Variants in ENO4 observed in about 807,000 individuals in gnomAD.
ENO4 encodes the protein enolase 4.
A neutral mutation model predicts 63.2 loss-of-function variants in ENO4; 53 were observed. The ratio of observed to expected loss-of-function variants is 0.84; its 90% CI spans 0.67 to 1.05. ENO4 has a LOEUF of 1.05. Among genes scored for constraint, ENO4 ranks in the 50% least tolerant of loss-of-function variants. ENO4 has a pLI of 0.00. For synonymous variants in ENO4, 266 were observed against 283.8 expected, an observed-to-expected ratio of 0.94 and a Z score of 0.63; for missense variants, 719 against 772.0, an observed-to-expected ratio of 0.93 and a Z score of 0.81.
In ENO4 at chr10:116,871,285, T is replaced by A. The variant is rs1264272762; in HGVS notation, c.1208T>A (p.Met403Lys). ...LAINCAGHEL[M>K]DYNKGKYEVI... ...ATCAACTGTGCTGGACATGAGCTGATGGACTACGTAAGTTTCCACTTCAGA... is the reference window on the plus strand; with the variant it reads ...ATCAACTGTGCTGGACATGAGCTGAAGGACTACGTAAGTTTCCACTTCAGA... The change falls in exon 9 of 14, where the codon ATG (methionine) becomes AAG (lysine). Residue 403 changes from methionine (M) to lysine (K), a missense_variant. Around this residue, in one of 3 missense-constraint regions of ENO4, gnomAD observed 544 missense variants for 583.6 expected, o/e 0.93. Transcript: ENST00000341276. 17 of 1,550,104 alleles carry A rather than the reference T, an allele frequency of 1.1e-5. No homozygotes were observed. The highest frequency in any genetic ancestry group is 1.5e-5 in the Non-Finnish European group (17 of 1,146,812).
intron 10 of ENO4, among the ~76,000 whole-genome samples, chr10:116,908,536 C>T (rs1019110902): frequency 6.6e-6 from 1 of 152,156 alleles, no homozygotes; most frequent in Non-Finnish European, 1.5e-5. Flanking sequence ...AACTTACCAT[C>T]TCTATCATTT....
chr10:116,886,483 G>C (rs780585711), downstream of ENO4: 10 of 1,614,108 alleles, frequency 6.2e-6, no homozygotes, highest in South Asian at 7.7e-5. Flanking sequence ...TTCATGTGTA[G>C]AAACAGGATC....
chr10:116,906,659 C>T (rs548829750), intron 10 of ENO4: 24 of 1,613,270 alleles, frequency 1.5e-5, no homozygotes, highest in African/African-American at 9.3e-5. Flanking sequence ...CACCTTTCTG[C>T]GACGCAAAAT....
rs780261992 is a variant in ENO4 at position 116,906,701 on chromosome 10, T to C, written c.1195-4798T>C. 3.2e-5 allele frequency: 52 copies of C among 1,613,354 alleles called. 1 individual carries two copies. In the South Asian group the frequency reaches 5.7e-4, roughly 18 times the overall value. ...TAACTCAGTTTCACTGTTTTCAGGG[T>C]CAAGGGATTTTAAGCTTCTTGAACT... On this transcript the variant is annotated intron_variant, in intron 10 of 10. Transcript: ENST00000369207.
intron 10 of ENO4, among the ~76,000 whole-genome samples, chr10:116,898,966 A>G (rs1414021688): frequency 6.6e-6 from 1 of 152,212 alleles, no homozygotes; most frequent in Non-Finnish European, 1.5e-5. Context: ...GAATTTATTG[A>G]AAGAAAAAAA....
chr10:116,906,727 A>G (rs770851197), intron 10 of ENO4: 1 of 1,612,774 alleles, frequency 6.2e-7, no homozygotes, highest in South Asian at 1.1e-5. Flanking sequence ...TTCTTGAACT[A>G]GTGGATTTGT....
At chr10:116,899,546 TGAGAGA>T (rs59129110) in intron 10 of ENO4, among the ~76,000 whole-genome samples, 99 of 123,896 alleles carry the variant, frequency 8.0e-4, no homozygotes, top group Admixed American at 1.7e-3. Flanking sequence ...TGTGTGTGTG[TGAGAGA>T]GTGCATGCAT....
intron 10 of ENO4, chr10:116,901,600 G>C (rs578071878): frequency 1.0e-6 from 1 of 985,286 alleles, no homozygotes; most frequent in East Asian, 1.1e-4. Flanking sequence ...AGATCTCTTA[G>C]CTAGGAGCCT....
In ENO4 at chr10:116,862,863, A is replaced by G. The variant is rs1846452053; in HGVS notation, c.990+11A>G. The stretch of plus-strand genomic sequence containing the variant: ...AAAATAATTGAAATGGTATGTAAAG[A>G]GATTCTATGTTATCTAGTTACTGAC... On this transcript the variant is annotated intron_variant, in intron 7 of 13. Transcript: ENST00000341276. The G allele has an allele frequency of 6.6e-7, 1 of 1,525,710 alleles. No homozygotes were observed. The highest frequency in any genetic ancestry group is 8.9e-7 in the Non-Finnish European group (1 of 1,124,728). 94.5% of individuals were successfully genotyped at this position (1,525,710 alleles called of 1,614,324 possible). A position where few individuals can be genotyped will look rare whatever the true frequency, so the allele number is the denominator to read the frequency against.
At chr10:116,911,362 G>A in intron 10 of ENO4, 1 of 1,163,146 alleles carries the variant, frequency 8.6e-7, no homozygotes, top group East Asian at 2.6e-5. Flanking sequence ...GGCAGACTGT[G>A]ACCCTGATAT....
Position 116,849,751 on chromosome 10 carries a change from G to A in ENO4, c.165+20G>A, listed in dbSNP as rs775298055. 1 of 1,488,072 alleles carries A rather than the reference G, an allele frequency of 6.7e-7. No homozygotes were observed. The highest frequency in any genetic ancestry group is 1.3e-5 in the South Asian group (1 of 74,568). 92.2% of individuals were successfully genotyped at this position (1,488,072 alleles called of 1,614,324 possible). On this transcript the variant is annotated intron_variant, in intron 1 of 13. Transcript: ENST00000341276. Reference sequence around the variant, plus strand: ...CACCTGGTAGGGACCTGGGACAAGCGCTCTCCTCCCGCCAACCCCTCTCCC... The same window carrying A: ...CACCTGGTAGGGACCTGGGACAAGCACTCTCCTCCCGCCAACCCCTCTCCC...
intron 10 of ENO4, among the ~76,000 whole-genome samples, chr10:116,907,253 T>C (rs1252518417): frequency 6.6e-6 from 1 of 152,150 alleles, no homozygotes; most frequent in Non-Finnish European, 1.5e-5. Flanking sequence ...AGGAGGCACA[T>C]AATGCTCTCC....
intron 10 of ENO4, among the ~76,000 whole-genome samples, chr10:116,891,650 C>A (rs1160911420): frequency 6.6e-6 from 1 of 152,066 alleles, no homozygotes; most frequent in Non-Finnish European, 1.5e-5. Context: ...CTGCAGTGAA[C>A]AGTAGTGGCA....
At chr10:116,860,668 T>A (rs1846385479) in intron 4 of ENO4, 126 bp from the exon 5 acceptor site, 1 of 653,840 alleles carries the variant, frequency 1.5e-6, no homozygotes, top group Non-Finnish European at 2.2e-6. Flanking sequence ...GAAAACTTTT[T>A]GGGGGTTGAG....
At chr10:116,905,327 G>A (rs1044343915) in intron 10 of ENO4, among the ~76,000 whole-genome samples, 1 of 152,126 alleles carries the variant, frequency 6.6e-6, no homozygotes, top group Non-Finnish European at 1.5e-5. Flanking sequence ...TATGTTACGG[G>A]GAGGCTGCAT....
intron 8 of ENO4, 73 bp downstream of exon 8, chr10:116,868,779 A>G: frequency 3.7e-6 from 5 of 1,361,812 alleles, no homozygotes; most frequent in Non-Finnish European, 5.1e-6. Flanking sequence ...TTTATCTTCC[A>G]TAGTCACTTT....
chr10:116,861,090 T>C lies in ENO4; in HGVS notation c.836T>C (p.Leu279Pro). 5 of 1,549,274 alleles carry C rather than the reference T, an allele frequency of 3.2e-6. No individual in the cohort carries two copies. Among genetic ancestry groups the C allele is most frequent in the Non-Finnish European group, 4.4e-6 (5 of 1,146,502 alleles). Residue 279 changes from leucine (L) to proline (P), a missense_variant, in exon 6 of 14, where the codon CTG (leucine) becomes CCG (proline). Physicochemically the swap from Leu to Pro is moderately conservative, Grantham distance 98. Around this residue, in one of 3 missense-constraint regions of ENO4, gnomAD observed 544 missense variants for 583.6 expected, o/e 0.93. Coordinates refer to ENST00000341276, the MANE Select transcript of ENO4 (RefSeq NM_001242699.2). ...CCAACAACGCTATCTATGCCTTTGC[T>C]GATGGTATCGCTGGTCAGCTGTGGG... ...EQPTTLSMPL[L>P]MVSLVSCGKS... is the part of the protein sequence containing the mutation.
intron 10 of ENO4, among the ~76,000 whole-genome samples, chr10:116,893,554 C>A (rs1315025050): frequency 4.4e-4 from 7 of 15,874 alleles, no homozygotes; most frequent in Non-Finnish European, 7.7e-4. Flanking sequence ...CTTCCCTCCC[C>A]CTCCCTGATA....
chr10:116,861,194 C>T lies in ENO4; in HGVS notation c.936+4C>T. The T allele has an allele frequency of 7.7e-7, 1 of 1,300,334 alleles. No homozygotes were observed. The highest frequency in any genetic ancestry group is 1.0e-6 in the Non-Finnish European group (1 of 1,004,920). The allele number at this position is 1,300,334 out of a possible 1,614,324, so 80.5% of individuals were successfully genotyped here. A position where few individuals can be genotyped will look rare whatever the true frequency, so the allele number is the denominator to read the frequency against. ...TCCTGAATTAACAACCAAACAAGTA[C>T]CTTACATTATCTTAAATTACCTTTT... On this transcript the variant is annotated splice_donor_region_variant and intron_variant, in intron 6 of 13. Transcript: ENST00000341276.
Sources: gnomAD v4.1 joint callset for allele counts (sites outside exome capture counted in the v4.1 genomes callset) on GRCh38, gnomAD v4.1.1 for gene constraint, gnomAD v4.1.1 regional missense constraint, MANE v1.5 for transcripts, NCBI Gene and HGNC (gene_info 2026-07-23, HGNC 2026-07-21) for gene names.